The following SLC3A1 variants were observed in gnomAD, a reference collection of about 807,000 sequenced individuals.
SLC3A1 encodes the protein solute carrier family 3 member 1.
SLC3A1 carries 78 observed loss-of-function variants against 60.3 expected under a neutral mutation model. That is an observed-to-expected ratio of 1.29 (90% CI 1.08 to 1.56). The LOEUF (loss-of-function observed/expected upper bound fraction) is 1.56, where lower values mean the gene tolerates loss of function less well. Ranked by LOEUF, SLC3A1 falls within the 40% of genes most tolerant of loss-of-function variation. SLC3A1 has a pLI of 0.00. For synonymous variants in SLC3A1, 392 were observed against 307.9 expected (o/e 1.27, Z -2.86); for missense variants, 1,172 against 858.9 (o/e 1.36, Z -4.56).
intron 4 of SLC3A1, among the ~76,000 whole-genome samples, chr2:44,298,441 T>C (rs1474668489): frequency 1.3e-5 from 2 of 152,052 alleles, no homozygotes; most frequent in Non-Finnish European, 2.9e-5. Flanking sequence ...TGCAGTGGCA[T>C]GATCTTGGCT....
intron 6 of SLC3A1, 176 bp downstream of exon 6, chr2:44,301,303 T>C (rs1015802897): frequency 6.3e-6 from 5 of 787,656 alleles, no homozygotes; most frequent in Non-Finnish European, 1.1e-5. Context: ...TGTTTGCTTA[T>C]TTTGCTGACT....
chr2:44,279,726 T>C (rs1343845794), intron 1 of SLC3A1, among the ~76,000 whole-genome samples: 1 of 152,172 alleles, frequency 6.6e-6, no homozygotes, highest in East Asian at 1.9e-4. Context: ...ATATACATAT[T>C]GTTATTTTTT....
downstream of SLC3A1, chr2:44,321,861 C>T: frequency 6.2e-7 from 1 of 1,613,600 alleles, no homozygotes; most frequent in Non-Finnish European, 8.5e-7. Context: ...ATGATTGCCT[C>T]CAGGCTGAAT....
intron 6 of SLC3A1, among the ~76,000 whole-genome samples, chr2:44,301,738 CAAAAAA>C (rs10657360): frequency 1.1e-5 from 1 of 93,474 alleles, no homozygotes; most frequent in Non-Finnish European, 2.0e-5. Flanking sequence ...GACTCCATCA[CAAAAAA>C]AAAAAAAAAA....
intron 4 of SLC3A1, among the ~76,000 whole-genome samples, chr2:44,298,428 G>A (rs1482763714): frequency 6.6e-6 from 1 of 152,128 alleles, no homozygotes; most frequent in Non-Finnish European, 1.5e-5. Context: ...ACCCAGGCTG[G>A]AGTGCAGTGG....
chr2:44,314,331 A>AGATC (rs1202085257), intron 9 of SLC3A1: 5 of 466,818 alleles, frequency 1.1e-5, no homozygotes, highest in African/African-American at 1.9e-5. Flanking sequence ...GGCAGTAAGG[A>AGATC]GATCAATCAA....
chr2:44,276,080 C>A, intron 1 of SLC3A1, 115 bp downstream of exon 1: 1 of 895,256 alleles, frequency 1.1e-6, no homozygotes, highest in Non-Finnish European at 1.8e-6. Context: ...TCCATTATGA[C>A]TGGTCATGCC....
At chr2:44,288,166 A>G (rs1434809714) in intron 4 of SLC3A1, among the ~76,000 whole-genome samples, 1 of 151,884 alleles carries the variant, frequency 6.6e-6, no homozygotes, top group Non-Finnish European at 1.5e-5. Context: ...AGCTGGGACT[A>G]CAGGCATGTA....
Position 44,281,500 on chromosome 2 carries a change from T to G in SLC3A1, c.724T>G (p.Cys242Gly). Residue 242 changes from cysteine (C) to glycine (G), a missense_variant, in exon 3 of 10, where the codon TGT (cysteine) becomes GGT (glycine). Transcript: ENST00000260649. ...TACTGATTATTATATCTGGCATGAC[T>G]GTACCCATGAAAATGGCAAAACCAT... Reference protein sequence around the residue: ...KYTDYYIWHDCTHENGKTIPP... With the variant: ...KYTDYYIWHDGTHENGKTIPP... 1 of 1,614,098 alleles carries G rather than the reference T, an allele frequency of 6.2e-7. No individual in the cohort carries two copies. The highest frequency in any genetic ancestry group is 8.5e-7 in the Non-Finnish European group (1 of 1,179,946).
At chr2:44,290,108 A>G (rs1229935161) in intron 4 of SLC3A1, among the ~76,000 whole-genome samples, 2 of 143,330 alleles carry the variant, frequency 1.4e-5, no homozygotes, top group South Asian at 2.2e-4. Context: ...TAGGGTGTGA[A>G]GGTAAGCTGT....
chr2:44,301,857 C>A (rs1404933712), intron 6 of SLC3A1, among the ~76,000 whole-genome samples: 1 of 151,072 alleles, frequency 6.6e-6, no homozygotes, highest in African/African-American at 2.4e-5. Flanking sequence ...TGACGGTGTT[C>A]GAGACCAGCC....
rs77654358 is a variant in SLC3A1, at chr2:44,295,261, G to A, written c.892-4710G>A. 3.0e-3 allele frequency among the ~76,000 whole-genome samples: 460 copies of A among 152,270 alleles called. 1 individual carries two copies. The highest frequency in any genetic ancestry group is 0.011 in the African/African-American group (446 of 41,550). The stretch of plus-strand genomic sequence containing the variant: ...CTATTTAAAGAGAAAGGAGTTAAAA[G>A]GTGCCCAGTGGAAAAACCAGGAGTG... On this transcript the variant is annotated intron_variant, in intron 4 of 9. Coordinates refer to ENST00000260649, the MANE Select transcript of SLC3A1 (RefSeq NM_000341.4).
intron 9 of SLC3A1, chr2:44,319,154 TTAGA>T (rs747485478): frequency 3.3e-5 from 5 of 152,560 alleles, no homozygotes; most frequent in Non-Finnish European, 5.9e-5. Flanking sequence ...TTAAACACCA[TTAGA>T]TAATTATTTA....
chr2:44,303,154 T>TA (rs1672060104), intron 6 of SLC3A1, among the ~76,000 whole-genome samples: 1 of 150,754 alleles, frequency 6.6e-6, no homozygotes, highest in Admixed American at 6.6e-5. Context: ...TAAGCCAAGA[T>TA]CATGCCATTG....
At chr2:44,313,041 G>C (rs112638904) in intron 8 of SLC3A1, among the ~76,000 whole-genome samples, 2,020 of 152,044 alleles carry the variant, frequency 0.013, 20 homozygotes, top group Middle Eastern at 0.034. Flanking sequence ...TATTTTGCCA[G>C]GAATACTGTG....
chr2:44,314,007 CT>C (rs1280439260), intron 9 of SLC3A1, 56 bp downstream of exon 9: 2 of 1,610,714 alleles, frequency 1.2e-6, no homozygotes. Context: ...TGGGTTTCTA[CT>C]GAAAGTACAC....
intron 6 of SLC3A1, 77 bp downstream of exon 6, chr2:44,301,204 A>G: frequency 6.4e-7 from 1 of 1,570,782 alleles, no homozygotes; most frequent in East Asian, 2.2e-5. Flanking sequence ...AACCAAGTGT[A>G]TTTGGAGGTT....
At chr2:44,312,882 C>A in intron 8 of SLC3A1, 129 bp downstream of exon 8, 1 of 765,918 alleles carries the variant, frequency 1.3e-6, no homozygotes. Context: ...CTTTGCTTTT[C>A]TTTCTTACTG....
rs1431967260 is a variant in SLC3A1 at position 44,310,316 on chromosome 2, A to G, written c.1333-2270A>G. On this transcript the variant is annotated intron_variant, in intron 7 of 9. Coordinates refer to ENST00000260649, the MANE Select transcript of SLC3A1 (RefSeq NM_000341.4). ...CCAATTTCTTTTCATCCTCACCAAC[A>G]CTTTTCTGTCTTGATTTAAAAAATT... Among the ~76,000 whole-genome samples the G allele has an allele frequency of 3.9e-5, 6 of 152,122 alleles. No homozygotes were observed. The South Asian group carries it at 8.3e-4, about 21-fold the overall frequency.
Sources: allele counts gnomAD v4.1 joint callset (sites outside exome capture counted in the v4.1 genomes callset), GRCh38; gene constraint gnomAD v4.1.1; transcripts MANE v1.5; gene names NCBI Gene and HGNC (gene_info 2026-07-23, HGNC 2026-07-21).